The following CDH2 variants were observed in gnomAD, a reference collection of about 807,000 sequenced individuals.
CDH2 encodes the protein cadherin-2.
In CDH2, 17 loss-of-function variants were observed where a neutral mutation model predicts 92.0. The observed-to-expected ratio is 0.18, with a 90% confidence interval of 0.13 to 0.28. The LOEUF is 0.28. Ranked by LOEUF, CDH2 falls within the 10% of genes least tolerant of loss-of-function variation. CDH2 has a pLI of 1.00. For missense variants in CDH2, 862 were observed against 1,133.1 expected, an observed-to-expected ratio of 0.76 and a Z score of 3.44; for synonymous variants, 419 against 415.9, an observed-to-expected ratio of 1.01 and a Z score of -0.09.
At chr18:27,970,469 C>T (rs2011629750) in intron 14 of CDH2, among the ~76,000 whole-genome samples, 4 of 152,154 alleles carry the variant, frequency 2.6e-5, no homozygotes, top group Admixed American at 2.6e-4. Flanking sequence ...AAAATCCTTC[C>T]CTAGTTTATG....
intron 2 of CDH2, among the ~76,000 whole-genome samples, chr18:28,043,511 T>TATAC (rs2014004147): frequency 7.7e-6 from 1 of 130,174 alleles, no homozygotes; most frequent in Non-Finnish European, 1.6e-5. Flanking sequence ...TATATATATA[T>TATAC]ATATAAACAG....
chr18:28,094,610 T>C lies in CDH2; in HGVS notation c.172+53063A>G, dbSNP rs572045237. 4.6e-5 allele frequency among the ~76,000 whole-genome samples: 7 copies of C among 151,528 alleles called. No homozygotes were observed. In the East Asian group the frequency reaches 5.9e-4, roughly 13 times the overall value. ...GAGATCGAGACCATCCTGGCTAACA[T>C]GGTGAAACCCTGTCTCTACTAAAAA... On this transcript the variant is annotated intron_variant, in intron 2 of 15. Transcript: ENST00000269141.
At position 28,134,694 on chromosome 18, in the gene CDH2, G is replaced by A. The variant is rs45549232; in HGVS notation, c.172+12979C>T. Among the ~76,000 whole-genome samples the A allele has an allele frequency of 2.6e-4, 40 of 152,288 alleles. No homozygotes were observed. The East Asian group carries it at 5.8e-3, about 22-fold the overall frequency. ...CCACTGCACTGCAGCTTGGGGAACA[G>A]AGCAAAATCTTGTCTCAAAAAAACA... On this transcript the variant is annotated intron_variant, in intron 2 of 15. Transcript: ENST00000269141.
chr18:28,099,768 T>C (rs11564392), intron 2 of CDH2, among the ~76,000 whole-genome samples: 6,863 of 152,068 alleles, frequency 0.045, 180 homozygotes, highest in South Asian at 0.083. Flanking sequence ...AGAAAGCAAA[T>C]AGCAAGTGAA....
chr18:28,001,754 T>TA (rs2144006055), intron 7 of CDH2, among the ~76,000 whole-genome samples: 1 of 152,344 alleles, frequency 6.6e-6, no homozygotes, highest in South Asian at 2.1e-4. Flanking sequence ...CAGAATAAAC[T>TA]AATCTTTATT....
intron 14 of CDH2, among the ~76,000 whole-genome samples, chr18:27,973,225 T>TA (rs11452178): frequency 0.33 from 50,117 of 151,786 alleles, 8,426 homozygotes; most frequent in East Asian, 0.44. Context: ...ACAACTCACA[T>TA]AAAAAAATCA....
chr18:28,005,765 T>C, intron 6 of CDH2, 84 bp downstream of exon 6: 1 of 854,770 alleles, frequency 1.2e-6, no homozygotes, highest in Non-Finnish European at 1.7e-6. Context: ...CCTCATATGA[T>C]TTCTCCATTT....
At chr18:28,071,372 T>C (rs2014614873) in intron 2 of CDH2, among the ~76,000 whole-genome samples, 1 of 152,006 alleles carries the variant, frequency 6.6e-6, no homozygotes, top group Admixed American at 6.6e-5. Context: ...CACTCTCTGC[T>C]CCTTGGAGAT....
chr18:28,098,510 G>A (rs982768267), intron 2 of CDH2, among the ~76,000 whole-genome samples: 19 of 151,734 alleles, frequency 1.3e-4, no homozygotes, highest in Admixed American at 9.2e-4. Flanking sequence ...AACATTGGCT[G>A]TTGATTTGTT....
chr18:28,034,633 TCTTTTG>T (rs2013779906), intron 2 of CDH2, among the ~76,000 whole-genome samples: 1 of 151,966 alleles, frequency 6.6e-6, no homozygotes, highest in Non-Finnish European at 1.5e-5. Context: ...TAGGTGTTTT[TCTTTTG>T]CTAAAGTTCG....
At chr18:28,065,345 T>C (rs146166523) in intron 2 of CDH2, among the ~76,000 whole-genome samples, 86 of 152,192 alleles carry the variant, frequency 5.7e-4, no homozygotes, top group Admixed American at 1.8e-3. Context: ...AGGATACAAG[T>C]GGTAGGGTGA....
Position 27,981,315 on chromosome 18 carries a change from T to C in CDH2, c.2349+1629A>G, listed in dbSNP as rs375042864. 3.3e-5 allele frequency among the ~76,000 whole-genome samples: 5 copies of C among 152,198 alleles called. No homozygotes were observed. The East Asian group carries it at 7.7e-4, about 24-fold the overall frequency. On this transcript the variant is annotated intron_variant, in intron 14 of 15. Transcript: ENST00000269141. ...TGATCTTGAAAATAGCCTAGGAAAG[T>C]GAAAGGATAGATTAATTAAAGAATT...
chr18:28,095,168 A>G (rs898394066), intron 2 of CDH2, among the ~76,000 whole-genome samples: 1 of 152,074 alleles, frequency 6.6e-6, no homozygotes. Flanking sequence ...TTTCATATGT[A>G]TATGCTCCAT....
At chr18:28,026,953 A>G (rs1304874971) in intron 2 of CDH2, among the ~76,000 whole-genome samples, 8 of 152,126 alleles carry the variant, frequency 5.3e-5, no homozygotes, top group African/African-American at 1.9e-4. Flanking sequence ...AGGGACACAT[A>G]TCACTTTACA....
At chr18:28,020,394 G>A (rs1464118702) in intron 2 of CDH2, among the ~76,000 whole-genome samples, 1 of 151,868 alleles carries the variant, frequency 6.6e-6, no homozygotes, top group Non-Finnish European at 1.5e-5. Context: ...GATGTGAAAG[G>A]GAGAAGATAT....
chr18:28,050,236 C>T (rs1300034156), intron 2 of CDH2, among the ~76,000 whole-genome samples: 2 of 152,140 alleles, frequency 1.3e-5, no homozygotes, highest in Non-Finnish European at 2.9e-5. Context: ...CACATCATCA[C>T]AAATAGAGCC....
intron 8 of CDH2, 117 bp downstream of exon 8, chr18:27,993,383 A>G: frequency 1.0e-6 from 1 of 962,018 alleles, no homozygotes; most frequent in South Asian, 1.7e-5. Context: ...GTTAGCAGCC[A>G]TGCTACTATT....
intron 2 of CDH2, among the ~76,000 whole-genome samples, chr18:28,066,026 T>A (rs958418863): frequency 6.6e-6 from 1 of 152,176 alleles, no homozygotes; most frequent in Non-Finnish European, 1.5e-5. Context: ...CTGCATTCTG[T>A]CATTCTCCCT....
chr18:28,037,289 C>T (rs1449753323), intron 2 of CDH2, among the ~76,000 whole-genome samples: 1 of 152,118 alleles, frequency 6.6e-6, no homozygotes, highest in Non-Finnish European at 1.5e-5. Flanking sequence ...ATACAAGATT[C>T]CCAAAGAGTG....
Sources: gnomAD v4.1 joint callset for allele counts (sites outside exome capture counted in the v4.1 genomes callset) on GRCh38, gnomAD v4.1.1 for gene constraint, MANE v1.5 for transcripts, NCBI Gene and HGNC (gene_info 2026-07-23, HGNC 2026-07-21) for gene names.